Variants in RAB39A observed in about 807,000 individuals in gnomAD.
RAB39A encodes RAB39A, member RAS oncogene family.
RAB39A carries 17 observed loss-of-function variants against 20.9 expected under a neutral mutation model. The observed-to-expected ratio is 0.81, with a 90% CI of 0.56 to 1.22. The LOEUF (loss-of-function observed/expected upper bound fraction) is 1.22. RAB39A is among the 50% of genes most tolerant of loss of function. The pLI is 0.00. For missense variants in RAB39A, 234 were observed against 270.5 expected (o/e 0.87, Z 0.95); for synonymous variants, 99 against 103.4 (o/e 0.96, Z 0.26).
chr11:107,959,743 G>A (rs1403447935), intron 1 of RAB39A, among the ~76,000 whole-genome samples: 2 of 152,060 alleles, frequency 1.3e-5, no homozygotes, highest in Non-Finnish European at 2.9e-5. Flanking sequence ...TCAGCAATGA[G>A]GACAAGTAGG....
chr11:107,942,636 A>G (rs1342372754), intron 1 of RAB39A, among the ~76,000 whole-genome samples: 1 of 152,150 alleles, frequency 6.6e-6, no homozygotes, highest in Non-Finnish European at 1.5e-5. Flanking sequence ...CATTTCTTAT[A>G]TAATTAATGT....
Position 107,962,098 on chromosome 11 carries a change from A to G in RAB39A, c.380A>G (p.His127Arg), listed in dbSNP as rs1403867966. 1 of 1,614,188 alleles carries G rather than the reference A, an allele frequency of 6.2e-7. No homozygotes were observed. The highest frequency in any genetic ancestry group is 1.1e-5 in the South Asian group (1 of 91,078). ...PFRIVFLLVG[H>R]KCDLASQRQV... ...CGGATTGTATTTCTGCTAGTGGGACATAAATGTGATTTAGCTTCACAACGT... is the reference window on the plus strand; with the variant it reads ...CGGATTGTATTTCTGCTAGTGGGACGTAAATGTGATTTAGCTTCACAACGT... The change falls in exon 2 of 2, where the codon CAT becomes CGT. Residue 127 changes from histidine (H) to arginine (R), a missense_variant. Transcript: ENST00000320578.
chr11:107,940,997 A>G (rs1861252889), intron 1 of RAB39A, among the ~76,000 whole-genome samples: 1 of 152,078 alleles, frequency 6.6e-6, no homozygotes. Context: ...CACTTCACAC[A>G]ATCTACCTGT....
At chr11:107,952,171 T>G (rs1381640380) in intron 1 of RAB39A, among the ~76,000 whole-genome samples, 1 of 152,192 alleles carries the variant, frequency 6.6e-6, no homozygotes, top group Non-Finnish European at 1.5e-5. Context: ...AGAATGAACC[T>G]TGTGGATGAA....
At chr11:107,953,725 C>G (rs1250873087) in intron 1 of RAB39A, among the ~76,000 whole-genome samples, 5 of 152,182 alleles carry the variant, frequency 3.3e-5, no homozygotes, top group Admixed American at 3.3e-4. Flanking sequence ...CCTATTTTCA[C>G]CCTTTGCTTC....
intron 1 of RAB39A, among the ~76,000 whole-genome samples, chr11:107,930,048 A>C (rs1861120706): frequency 6.6e-6 from 1 of 152,192 alleles, no homozygotes; most frequent in Non-Finnish European, 1.5e-5. Flanking sequence ...CAACATTCAA[A>C]GTTTTGGCTT....
In RAB39A at chr11:107,952,227, G is replaced by A. The variant is rs1300820929; in HGVS notation, c.228-9719G>A. ...CAATGGAACATTATTCCATTGAGTA[G>A]AAGGAAATTCTGTCATAGGCTACAA... is the stretch of plus-strand genomic sequence containing the variant. On this transcript the variant is annotated intron_variant, in intron 1 of 1. Coordinates refer to ENST00000320578, the MANE Select transcript of RAB39A (RefSeq NM_017516.3). Among the ~76,000 whole-genome samples the A allele has an allele frequency of 2.6e-5, 4 of 152,328 alleles. No homozygotes were observed. In the South Asian group the frequency reaches 6.2e-4, roughly 24 times the overall value.
Position 107,946,355 on chromosome 11 carries a change from CACACACATATATAT to C in RAB39A, c.228-15576_228-15563del, listed in dbSNP as rs1360405415. The stretch of plus-strand genomic sequence containing the variant: ...ACACACACACACACATATATATACA[CACACACATATATAT>C]ACACACATATATATGTGGGTGTATA... On this transcript the variant is annotated intron_variant, in intron 1 of 1. Transcript: ENST00000320578. Among the ~76,000 whole-genome samples the C allele has an allele frequency of 4.4e-5, 6 of 135,158 alleles. No homozygotes were observed. In the South Asian group the frequency reaches 1.1e-3, roughly 26 times the overall value. The allele number at this position is 135,158 out of a possible 152,430, so 88.7% of individuals were successfully genotyped here. A position where few individuals can be genotyped will look rare whatever the true frequency, so the allele number is the denominator to read the frequency against.
chr11:107,948,868 C>T (rs1306604467), intron 1 of RAB39A, among the ~76,000 whole-genome samples: 2 of 152,158 alleles, frequency 1.3e-5, no homozygotes, highest in Non-Finnish European at 2.9e-5. Context: ...GTTACTCTGA[C>T]CATGTAGATA....
intron 1 of RAB39A, among the ~76,000 whole-genome samples, chr11:107,961,456 A>T (rs1367875504): frequency 1.3e-5 from 2 of 152,118 alleles, no homozygotes; most frequent in Non-Finnish European, 2.9e-5. Flanking sequence ...TAGCATTTCA[A>T]CATAAGAATT....
At position 107,960,383 on chromosome 11, in the gene RAB39A, G is replaced by T. The variant is rs367731296; in HGVS notation, c.228-1563G>T. 7.2e-5 allele frequency among the ~76,000 whole-genome samples: 11 copies of T among 152,296 alleles called. 1 individual carries two copies. In the East Asian group the frequency reaches 1.9e-3, roughly 27 times the overall value. ...TATAAGAAGAGTACCTAAGAAAGAG[G>T]TGAGTGGCAGGGAAGGCTGCTCAGA... is the stretch of plus-strand genomic sequence containing the variant. On this transcript the variant is annotated intron_variant, in intron 1 of 1. Coordinates refer to ENST00000320578, the MANE Select transcript of RAB39A (RefSeq NM_017516.3).
chr11:107,928,544 C>T lies in RAB39A; in HGVS notation c.-25C>T, dbSNP rs1861104809. The T allele has an allele frequency of 2.1e-6, 3 of 1,426,730 alleles. No homozygotes were observed. The highest frequency in any genetic ancestry group is 2.6e-5 in the East Asian group (1 of 39,166). The allele number at this position is 1,426,730 out of a possible 1,614,324, so 88.4% of individuals were successfully genotyped here. Reference sequence around the variant, plus strand: ...AACTTAGCCCGCGGGTGGGGCGGCCCGGGAGCCAGCGGGGCACGTGAGCGA... The same window carrying T: ...AACTTAGCCCGCGGGTGGGGCGGCCTGGGAGCCAGCGGGGCACGTGAGCGA... On this transcript the variant is annotated 5_prime_UTR_variant, in exon 1 of 2. Transcript: ENST00000320578. The surrounding 1 kb of genome is among the most constrained non-coding windows in gnomAD (Gnocchi z 4.9).
At chr11:107,933,326 T>A (rs1861157874) in intron 1 of RAB39A, among the ~76,000 whole-genome samples, 1 of 71,792 alleles carries the variant, frequency 1.4e-5, no homozygotes, top group Admixed American at 2.0e-4. Flanking sequence ...TGTGTGTGTG[T>A]GTGTGTGTGT....
intron 1 of RAB39A, among the ~76,000 whole-genome samples, chr11:107,957,205 G>A (rs1861445632): frequency 6.6e-6 from 1 of 152,208 alleles, no homozygotes; most frequent in Non-Finnish European, 1.5e-5. Context: ...TCAGTAAGCA[G>A]AATGACAGGA....
intron 1 of RAB39A, among the ~76,000 whole-genome samples, chr11:107,947,679 CAG>C (rs1005897178): frequency 6.6e-6 from 1 of 151,228 alleles, no homozygotes; most frequent in Admixed American, 6.6e-5. Context: ...AGAGAAAAAA[CAG>C]GACACATTAT....
In RAB39A at chr11:107,928,909, C is replaced by A; in HGVS notation, c.227+114C>A. 1 of 771,836 alleles carries A rather than the reference C, an allele frequency of 1.3e-6. No individual in the cohort carries two copies. The highest frequency in any genetic ancestry group is 2.0e-6 in the Non-Finnish European group (1 of 508,684). 47.8% of individuals were successfully genotyped at this position (771,836 alleles called of 1,614,324 possible). A position where few individuals can be genotyped will look rare whatever the true frequency, so the allele number is the denominator to read the frequency against. Reference sequence around the variant, plus strand: ...TCGGGAGAGGCTCTGGCCCTTCCCTCTCGAAAGTGCAAACACTCCATTCTC... The same window carrying A: ...TCGGGAGAGGCTCTGGCCCTTCCCTATCGAAAGTGCAAACACTCCATTCTC... On this transcript the variant is annotated intron_variant, in intron 1 of 1. Transcript: ENST00000320578. The surrounding 1 kb of genome is among the most constrained non-coding windows in gnomAD (Gnocchi z 4.9).
At chr11:107,956,081 C>G (rs1861433444) in intron 1 of RAB39A, among the ~76,000 whole-genome samples, 1 of 152,138 alleles carries the variant, frequency 6.6e-6, no homozygotes, top group African/African-American at 2.4e-5. Flanking sequence ...CCACCCCCTC[C>G]AACACTGATA....
intron 1 of RAB39A, among the ~76,000 whole-genome samples, chr11:107,943,502 C>T (rs930534005): frequency 6.7e-6 from 1 of 148,404 alleles, no homozygotes; most frequent in Non-Finnish European, 1.5e-5. Flanking sequence ...ACCTGGGAGG[C>T]GACGGTTGCA....
chr11:107,928,875 C>A lies in RAB39A; in HGVS notation c.227+80C>A. ...CCCCTTCCCCAGGCGTCCGCCCCGC[C>A]GGCCCTGGTCGGGAGAGGCTCTGGC... On this transcript the variant is annotated intron_variant, in intron 1 of 1. Transcript: ENST00000320578. This position sits in a 1 kb window ranked among gnomAD's most constrained non-coding sequence, Gnocchi z 4.9. The A allele has an allele frequency of 8.3e-7, 1 of 1,206,566 alleles. No individual in the cohort carries two copies. Among genetic ancestry groups the A allele is most frequent in the Non-Finnish European group, 1.1e-6 (1 of 880,368 alleles). 74.7% of individuals were successfully genotyped at this position (1,206,566 alleles called of 1,614,324 possible).
Sources: allele counts gnomAD v4.1 joint callset (sites outside exome capture counted in the v4.1 genomes callset), GRCh38; gene constraint gnomAD v4.1.1; non-coding constraint Gnocchi (gnomAD v3.1); transcripts MANE v1.5; gene names NCBI Gene and HGNC (gene_info 2026-07-23, HGNC 2026-07-21).